The following COX7B2 variants were observed in gnomAD, a reference collection of about 807,000 sequenced individuals.
The protein encoded by COX7B2 is cytochrome c oxidase subunit 7B2, also known as cytochrome c oxidase subunit 7B2, mitochondrial.
For synonymous variants in COX7B2, 37 were observed against 32.1 expected (o/e 1.15, Z -0.51); for missense variants, 109 against 95.9 (o/e 1.14, Z -0.57).
chr4:46,810,171 T>C (rs1366573443), intron 2 of COX7B2, among the ~76,000 whole-genome samples: 2 of 152,036 alleles, frequency 1.3e-5, no homozygotes, highest in East Asian at 1.9e-4. Flanking sequence ...TAGTTGGATA[T>C]TGATTTTTAT....
chr4:46,887,181 A>G (rs1181355628), intron 1 of COX7B2, among the ~76,000 whole-genome samples: 1 of 152,236 alleles, frequency 6.6e-6, no homozygotes, highest in Non-Finnish European at 1.5e-5. Context: ...ATTTTAAGGA[A>G]TACATTTTCA....
chr4:46,794,449 A>G lies in COX7B2; in HGVS notation c.-50+50511T>C, dbSNP rs142081842. ...GTATTCAAAGGCTTAGGAAGACGGA[A>G]CTGTTAGAGTACAGTCATTTAAGAC... On this transcript the variant is annotated intron_variant, in intron 2 of 2. Transcript: ENST00000355591. Among the ~76,000 whole-genome samples the G allele has an allele frequency of 1.3e-3, 196 of 152,292 alleles. 5 individuals are homozygous for G. In the East Asian group the frequency reaches 0.035, roughly 27 times the overall value.
chr4:46,780,741 C>T (rs1338184464), intron 2 of COX7B2, among the ~76,000 whole-genome samples: 1 of 152,134 alleles, frequency 6.6e-6, no homozygotes, highest in African/African-American at 2.4e-5. Flanking sequence ...CATAAAAAGA[C>T]TAACTTTGGC....
intron 2 of COX7B2, among the ~76,000 whole-genome samples, chr4:46,820,948 AC>A (rs1456767308): frequency 6.6e-6 from 1 of 152,054 alleles, no homozygotes; most frequent in Non-Finnish European, 1.5e-5. Flanking sequence ...ATAGCCCATG[AC>A]AGAAAGTCAG....
rs879403988 is a variant in COX7B2, at chr4:46,790,004, T to TA, written c.-49-54764dup. On this transcript the variant is annotated intron_variant, in intron 2 of 2. Transcript: ENST00000355591. Reference sequence around the variant, plus strand: ...CTGTCAAAAAATTGTGTAGGTTTGTTAAAAAAAAAAACAGCAAAAACTTGG... The same window carrying TA: ...CTGTCAAAAAATTGTGTAGGTTTGTTAAAAAAAAAAAACAGCAAAAACTTGG... Among the ~76,000 whole-genome samples the TA allele has an allele frequency of 4.9e-3, 718 of 145,830 alleles. 2 individuals are homozygous for TA. Among genetic ancestry groups the TA allele is most frequent in the South Asian group, 0.011 (51 of 4,586 alleles).
chr4:46,909,078 T>A (rs528522663), intron 1 of COX7B2, 82 bp downstream of exon 1: 47 of 152,014 alleles, frequency 3.1e-4, no homozygotes, highest in African/African-American at 9.9e-4. Flanking sequence ...TATTTCCTGA[T>A]AACTGTTAGA....
At chr4:46,875,013 C>T (rs965975619) in intron 1 of COX7B2, among the ~76,000 whole-genome samples, 1 of 152,136 alleles carries the variant, frequency 6.6e-6, no homozygotes. Context: ...TTCACACCTC[C>T]CCCTTTGTTT....
chr4:46,735,322 C>A lies in COX7B2; in HGVS notation c.-49-81G>T, dbSNP rs1037764431. 7 of 1,029,394 alleles carry A rather than the reference C, an allele frequency of 6.8e-6. No homozygotes were observed. The Admixed American group carries it at 1.9e-4, about 28-fold the overall frequency. The allele number at this position is 1,029,394 out of a possible 1,614,324, so 63.8% of individuals were successfully genotyped here. On this transcript the variant is annotated intron_variant, in intron 2 of 2. Coordinates refer to ENST00000355591, the MANE Select transcript of COX7B2 (RefSeq NM_130902.3). ...CTTTGAATGTCTGGCTACATCACCC[C>A]TTGGAGTGGTGTTCAGGAATGTGAG...
At chr4:46,825,267 C>T (rs147500864) in intron 2 of COX7B2, among the ~76,000 whole-genome samples, 6 of 151,912 alleles carry the variant, frequency 3.9e-5, no homozygotes, top group African/African-American at 1.4e-4. Context: ...ATCAGAAAGG[C>T]AATCCCATTC....
intron 1 of COX7B2, among the ~76,000 whole-genome samples, chr4:46,899,160 C>G (rs374425539): frequency 1.2e-4 from 19 of 152,312 alleles, no homozygotes; most frequent in African/African-American, 4.6e-4. Flanking sequence ...ATTACTCCAA[C>G]CTACCTGTAT....
chr4:46,754,726 G>C (rs190625706), intron 2 of COX7B2, among the ~76,000 whole-genome samples: 1 of 46,126 alleles, frequency 2.2e-5, no homozygotes, highest in Non-Finnish European at 3.6e-5. Flanking sequence ...GTGTGTGTGT[G>C]TGTATATATA....
chr4:46,761,317 T>C (rs1251062315), intron 2 of COX7B2, among the ~76,000 whole-genome samples: 1 of 152,124 alleles, frequency 6.6e-6, no homozygotes, highest in East Asian at 1.9e-4. Context: ...TGGAGTGCAA[T>C]GTGGTTTCCT....
chr4:46,820,796 G>A (rs1333440529), intron 2 of COX7B2, among the ~76,000 whole-genome samples: 2 of 144,492 alleles, frequency 1.4e-5, no homozygotes, highest in Non-Finnish European at 3.0e-5. Flanking sequence ...ACTCGAGCCT[G>A]GACAAAAAAA....
intron 1 of COX7B2, among the ~76,000 whole-genome samples, chr4:46,894,476 T>C (rs1449935655): frequency 1.3e-5 from 2 of 152,140 alleles, no homozygotes. Flanking sequence ...TTGTATCATA[T>C]ACAAAAATCA....
At chr4:46,857,529 T>C (rs1388459954) in intron 1 of COX7B2, among the ~76,000 whole-genome samples, 1 of 152,188 alleles carries the variant, frequency 6.6e-6, no homozygotes, top group African/African-American at 2.4e-5. Flanking sequence ...AGGGAGTGTA[T>C]TAAATAAAGC....
chr4:46,879,480 G>A (rs1718568258), intron 1 of COX7B2, among the ~76,000 whole-genome samples: 1 of 151,338 alleles, frequency 6.6e-6, no homozygotes, highest in Admixed American at 6.6e-5. Flanking sequence ...GGCCTCAAGC[G>A]TTCCTCCCAC....
chr4:46,822,978 CAGAG>C (rs1714410551), intron 2 of COX7B2, among the ~76,000 whole-genome samples: 1 of 151,988 alleles, frequency 6.6e-6, no homozygotes. Flanking sequence ...ACTCTAAATC[CAGAG>C]AGAAAGAGAT....
chr4:46,746,763 G>A (rs2109416469), intron 2 of COX7B2, among the ~76,000 whole-genome samples: 1 of 152,208 alleles, frequency 6.6e-6, no homozygotes, highest in East Asian at 1.9e-4. Flanking sequence ...CCCTTTCCAA[G>A]GTTTTTAGTG....
intron 2 of COX7B2, among the ~76,000 whole-genome samples, chr4:46,754,720 GTGTGTGTGTA>G: frequency 2.7e-5 from 1 of 36,856 alleles, no homozygotes; most frequent in East Asian, 1.2e-3. Flanking sequence ...GTGTGTGTGT[GTGTGTGTGTA>G]TATATATATA....
Sources: allele counts gnomAD v4.1 joint callset (sites outside exome capture counted in the v4.1 genomes callset), GRCh38; gene constraint gnomAD v4.1.1; transcripts MANE v1.5; gene names NCBI Gene and HGNC (gene_info 2026-07-23, HGNC 2026-07-21).